The following ZNF438 variants were observed in gnomAD, a reference collection of about 807,000 sequenced individuals.
The protein encoded by ZNF438 is zinc finger protein 438.
A neutral mutation model predicts 38.0 loss-of-function variants in ZNF438; 25 were observed. The observed-to-expected ratio is 0.66, with a 90% CI of 0.48 to 0.92. The LOEUF is 0.92. Ranked by LOEUF, ZNF438 falls within the 40% of genes least tolerant of loss-of-function variation. The pLI, the probability that ZNF438 is intolerant of heterozygous loss-of-function variation, is 0.00. For synonymous variants in ZNF438, 372 were observed against 364.1 expected, an observed-to-expected ratio of 1.02 and a Z score of -0.25; for missense variants, 1,007 against 999.6, an observed-to-expected ratio of 1.01 and a Z score of -0.10.
intron 1 of ZNF438, among the ~76,000 whole-genome samples, chr10:30,948,901 G>A (rs542245563): frequency 4.6e-5 from 7 of 151,858 alleles, no homozygotes; most frequent in East Asian, 3.9e-4. Flanking sequence ...TACAGAGAAC[G>A]CCACAAAGAT....
At chr10:30,976,852 A>C (rs2051419897) in intron 1 of ZNF438, among the ~76,000 whole-genome samples, 1 of 152,210 alleles carries the variant, frequency 6.6e-6, no homozygotes, top group African/African-American at 2.4e-5. Flanking sequence ...ATAAAAACTT[A>C]TAGAACTACA....
rs112235678 is a variant in ZNF438, at chr10:30,961,813, G to A, written c.-191-20162C>T. ...TGAGGCAGCAGAATCGCTTGAACCC[G>A]GGAGGTGGAGGTTGCAGTGGGCCGA... On this transcript the variant is annotated intron_variant, in intron 1 of 5. Coordinates refer to ENST00000413025, the Ensembl canonical transcript of ZNF438. 6.6e-3 allele frequency among the ~76,000 whole-genome samples: 953 copies of A among 145,146 alleles called. 33 individuals are homozygous for A. The highest frequency in any genetic ancestry group is 0.022 in the African/African-American group (884 of 40,962).
intron 5 of ZNF438, 89 bp downstream of exon 6, chr10:30,848,442 T>A: frequency 3.4e-6 from 5 of 1,458,230 alleles, no homozygotes; most frequent in Non-Finnish European, 4.6e-6. Flanking sequence ...AGATGTTTTA[T>A]AAACTCTCCT....
chr10:30,858,507 C>CA (rs1392264681), intron 4 of ZNF438, among the ~76,000 whole-genome samples: 32 of 152,204 alleles, frequency 2.1e-4, no homozygotes, highest in Non-Finnish European at 1.9e-4. Context: ...CAGCAGCAGT[C>CA]AGAGTCAACA....
At chr10:30,983,454 T>C (rs1261770264) in intron 1 of ZNF438, among the ~76,000 whole-genome samples, 1 of 152,086 alleles carries the variant, frequency 6.6e-6, no homozygotes, top group Middle Eastern at 3.2e-3. Context: ...TACACACTTT[T>C]AAACAACCGG....
chr10:30,874,147 T>TATATATATATATATATAC (rs1564541581), intron 4 of ZNF438, among the ~76,000 whole-genome samples: 1 of 76,844 alleles, frequency 1.3e-5, no homozygotes, highest in Admixed American at 1.2e-4. Flanking sequence ...TATATATATA[T>TATATATATATATATATAC]ATATATATAT....
rs375875182 is a variant in ZNF438, at chr10:30,849,316, T to G, written c.1089A>C (p.Pro363=). The G allele has an allele frequency of 4.3e-6, 7 of 1,614,106 alleles. No individual in the cohort carries two copies. In the African/African-American group the frequency reaches 9.3e-5, roughly 22 times the overall value. Reference sequence around the variant, plus strand: ...TGTGGTTAAGATCAAGTTTGGTGGGTGGACAAAAGGCACTTTCACAGGCAC... The same window carrying G: ...TGTGGTTAAGATCAAGTTTGGTGGGGGGACAAAAGGCACTTTCACAGGCAC... Residue 363 remains proline, a synonymous_variant, in exon 5 of 6, where the codon CCA becomes CCC. Coordinates refer to ENST00000413025, the Ensembl canonical transcript of ZNF438.
At chr10:30,860,472 A>T (rs2035390943) in intron 4 of ZNF438, among the ~76,000 whole-genome samples, 1 of 152,220 alleles carries the variant, frequency 6.6e-6, no homozygotes, top group Admixed American at 6.5e-5. Flanking sequence ...CTGTCAGCTC[A>T]TTATCAGTGA....
chr10:30,916,914 G>C (rs913381517), intron 2 of ZNF438, among the ~76,000 whole-genome samples: 1 of 152,038 alleles, frequency 6.6e-6, no homozygotes, highest in African/African-American at 2.4e-5. Flanking sequence ...GATAAGTTCA[G>C]GATGCTCCAA....
intron 1 of ZNF438, among the ~76,000 whole-genome samples, chr10:30,995,263 A>G (rs2053928597): frequency 6.6e-6 from 1 of 152,170 alleles, no homozygotes; most frequent in South Asian, 2.1e-4. Flanking sequence ...GCAAGAGCAA[A>G]ATGACCAGAC....
chr10:30,955,410 G>T (rs1038639569), intron 1 of ZNF438, among the ~76,000 whole-genome samples: 4 of 152,200 alleles, frequency 2.6e-5, no homozygotes, highest in African/African-American at 9.6e-5. Flanking sequence ...ACAGAATATA[G>T]TGGAAGTGAT....
chr10:30,970,143 C>CACAT (rs1240174578), intron 1 of ZNF438, among the ~76,000 whole-genome samples: 10 of 143,966 alleles, frequency 6.9e-5, no homozygotes, highest in African/African-American at 2.1e-4. Flanking sequence ...CACACACACA[C>CACAT]ATATACACAC....
chr10:30,858,192 G>A (rs79523820), intron 4 of ZNF438, among the ~76,000 whole-genome samples: 1 of 152,214 alleles, frequency 6.6e-6, no homozygotes, highest in Non-Finnish European at 1.5e-5. Flanking sequence ...GGTCACTAAA[G>A]AGCCAAAAAT....
chr10:30,945,526 A>G (rs1186191224), intron 1 of ZNF438, among the ~76,000 whole-genome samples: 6 of 151,558 alleles, frequency 4.0e-5, no homozygotes, highest in South Asian at 2.1e-4. Context: ...AGCATTAGGT[A>G]TATCTCCCAA....
intron 1 of ZNF438, among the ~76,000 whole-genome samples, chr10:31,010,837 G>A (rs1298562073): frequency 7.4e-6 from 1 of 135,614 alleles, no homozygotes; most frequent in Non-Finnish European, 1.5e-5. Context: ...AGGCTGCAGT[G>A]AGCTATTATT....
At chr10:31,031,801 C>T (rs2057315236) in intron 1 of ZNF438, 32 bp downstream of exon 1, 1 of 153,196 alleles carries the variant, frequency 6.5e-6, no homozygotes, top group South Asian at 2.1e-4. Context: ...CCCCGCAAGC[C>T]CTAGGAGCTG....
chr10:30,910,683 C>CA (rs11375197), intron 2 of ZNF438, among the ~76,000 whole-genome samples: 54,869 of 89,584 alleles, frequency 0.61, 15,247 homozygotes, highest in Non-Finnish European at 0.66. Context: ...GTATATTGGC[C>CA]AAAAAAAAAA....
chr10:30,909,801 C>G (rs1173318911), intron 2 of ZNF438, among the ~76,000 whole-genome samples: 2 of 152,156 alleles, frequency 1.3e-5, no homozygotes, highest in African/African-American at 4.8e-5. Context: ...CTTAAGCAGT[C>G]ATATGGTAAC....
At chr10:30,874,112 GTGTATATATATATATATATATATATA>G (rs2037986272) in intron 4 of ZNF438, among the ~76,000 whole-genome samples, 11 of 36,136 alleles carry the variant, frequency 3.0e-4, no homozygotes, top group African/African-American at 4.5e-4. Flanking sequence ...GGGTGTGTGT[GTGTATATATATATATATATATATATA>G]TATATATATA....
Sources: allele counts gnomAD v4.1 joint callset (sites outside exome capture counted in the v4.1 genomes callset), GRCh38; gene constraint gnomAD v4.1.1; transcripts MANE v1.5; gene names NCBI Gene and HGNC (gene_info 2026-07-23, HGNC 2026-07-21).